SOCS2: variants seen among roughly 807,000 people sequenced by gnomAD.
SOCS2 encodes the protein suppressor of cytokine signaling 2.
SOCS2 carries 10 observed loss-of-function variants against 18.6 expected under a neutral mutation model. The ratio of observed to expected loss-of-function variants is 0.54; its 90% CI spans 0.33 to 0.91. The LOEUF (loss-of-function observed/expected upper bound fraction) is 0.91, where lower values mean the gene tolerates loss of function less well. Ranked by LOEUF, SOCS2 falls within the 40% of genes least tolerant of loss-of-function variation. The probability of loss-of-function intolerance (pLI) is 0.02; values close to 1 mark genes in which losing one functional copy is unlikely to be tolerated. For synonymous variants in SOCS2, 104 were observed against 104.0 expected (o/e 1.00, Z 0.00); for missense variants, 231 against 247.2 (o/e 0.93, Z 0.44).
the SOCS2 span, among the ~76,000 whole-genome samples, chr12:93,613,613 G>T: frequency 6.6e-6 from 1 of 152,180 alleles, no homozygotes; most frequent in Non-Finnish European, 1.5e-5. Context: ...ATGTGAACAA[G>T]CTTTAAGAAT....
the SOCS2 span, among the ~76,000 whole-genome samples, chr12:93,597,360 C>T: frequency 2.0e-5 from 3 of 152,022 alleles, no homozygotes; most frequent in African/African-American, 7.3e-5. Context: ...CACAGTCTTG[C>T]TCTGTTGCCC....
downstream of SOCS2, among the ~76,000 whole-genome samples, chr12:93,587,749 C>T (rs962950265): frequency 2.6e-5 from 4 of 151,806 alleles, no homozygotes; most frequent in African/African-American, 9.7e-5. Context: ...TAGAGCAGAC[C>T]ACACGAAGGT....
chr12:93,587,165 T>C (rs1954589608), downstream of SOCS2, among the ~76,000 whole-genome samples: 3 of 150,698 alleles, frequency 2.0e-5, no homozygotes, highest in Admixed American at 6.6e-5. Flanking sequence ...GAGACTGTCT[T>C]AAAGAAAAAA....
chr12:93,590,990 G>A, the SOCS2 span, among the ~76,000 whole-genome samples: 1 of 151,724 alleles, frequency 6.6e-6, no homozygotes, highest in Non-Finnish European at 1.5e-5. Context: ...TAACACTAAT[G>A]GTCTGGATAA....
upstream of SOCS2, chr12:93,571,791 G>A: frequency 5.0e-6 from 2 of 399,170 alleles, no homozygotes; most frequent in Admixed American, 2.9e-5. Flanking sequence ...GGGAAACAAG[G>A]GCAGACGCCC....
At chr12:93,610,316 G>A in the SOCS2 span, among the ~76,000 whole-genome samples, 4 of 152,064 alleles carry the variant, frequency 2.6e-5, no homozygotes, top group Non-Finnish European at 5.9e-5. Flanking sequence ...CCTCAGTCCC[G>A]GGCTAACCTG....
At chr12:93,587,403 T>C (rs1372448996), downstream of SOCS2, among the ~76,000 whole-genome samples, 1 of 151,836 alleles carries the variant, frequency 6.6e-6, no homozygotes, top group Non-Finnish European at 1.5e-5. Context: ...AGTTGGTGGC[T>C]GGGCGCAGTG....
the SOCS2 span, among the ~76,000 whole-genome samples, chr12:93,602,426 C>T: frequency 1.3e-5 from 2 of 152,116 alleles, no homozygotes; most frequent in East Asian, 1.9e-4. Context: ...TATACATACA[C>T]ATGAAAACCA....
the SOCS2 span, among the ~76,000 whole-genome samples, chr12:93,617,064 T>C: frequency 6.6e-6 from 1 of 152,184 alleles, no homozygotes; most frequent in Non-Finnish European, 1.5e-5. Flanking sequence ...TGCTGGGCCG[T>C]GTCCATTGAT....
downstream of SOCS2, among the ~76,000 whole-genome samples, chr12:93,581,440 A>C (rs139981789): frequency 1.6e-3 from 248 of 151,702 alleles, 2 homozygotes; most frequent in African/African-American, 5.7e-3. Context: ...ATGTGTGTCA[A>C]TCTTATATTG....
the SOCS2 span, among the ~76,000 whole-genome samples, chr12:93,625,259 T>C: frequency 9.1e-6 from 1 of 109,764 alleles, no homozygotes; most frequent in Non-Finnish European, 1.7e-5. Flanking sequence ...ACACAATCTC[T>C]CTCTGTCATT....
downstream of SOCS2, among the ~76,000 whole-genome samples, chr12:93,577,915 C>G (rs1003736387): frequency 1.4e-4 from 22 of 152,136 alleles, no homozygotes; most frequent in Non-Finnish European, 1.5e-4. Flanking sequence ...GGAAGAATAT[C>G]CAGTGTTTTC....
the SOCS2 span, among the ~76,000 whole-genome samples, chr12:93,604,827 A>ATT: frequency 6.6e-6 from 1 of 151,304 alleles, no homozygotes; most frequent in East Asian, 1.9e-4. Flanking sequence ...CCTGGCTGAT[A>ATT]TTTTTTTCTT....
chr12:93,597,295 G>A, the SOCS2 span, among the ~76,000 whole-genome samples: 2 of 152,088 alleles, frequency 1.3e-5, no homozygotes, highest in African/African-American at 4.8e-5. Context: ...TGCAGCTGCT[G>A]ATTTGTTACC....
chr12:93,619,000 T>A, the SOCS2 span, among the ~76,000 whole-genome samples: 1 of 152,144 alleles, frequency 6.6e-6, no homozygotes, highest in Non-Finnish European at 1.5e-5. Flanking sequence ...TAAAGGAGTT[T>A]AACTGAAGGG....
At position 93,574,936 on chromosome 12, in the gene SOCS2, A is replaced by G; in HGVS notation, c.354A>G (p.Gln118=). The G allele has an allele frequency of 6.2e-7, 1 of 1,614,222 alleles. No individual in the cohort carries two copies. The highest frequency in any genetic ancestry group is 8.5e-7 in the Non-Finnish European group (1 of 1,180,042). Residue 118 remains glutamine (Q), a synonymous_variant, in exon 2 of 2, where the codon CAA becomes CAG. Coordinates refer to ENST00000551556, the MANE Select transcript of SOCS2 (RefSeq NM_001270471.2). ...SIICVKSKLK[Q]FDSVVHLIDY... ...TATGTGTCAAATCCAAGCTTAAACA[A>G]TTTGACAGTGTGGTTCATCTGATCG...
At chr12:93,613,120 AG>A in the SOCS2 span, among the ~76,000 whole-genome samples, 2 of 152,254 alleles carry the variant, frequency 1.3e-5, no homozygotes, top group Non-Finnish European at 2.9e-5. Flanking sequence ...GGCAATGCCA[AG>A]GAACAGAGGA....
the SOCS2 span, among the ~76,000 whole-genome samples, chr12:93,610,002 T>C: frequency 6.6e-6 from 1 of 152,160 alleles, no homozygotes; most frequent in African/African-American, 2.4e-5. Context: ...CCTATTGACA[T>C]GGTAATGACA....
the SOCS2 span, among the ~76,000 whole-genome samples, chr12:93,606,321 C>G: frequency 6.6e-6 from 1 of 152,242 alleles, no homozygotes; most frequent in South Asian, 2.1e-4. Flanking sequence ...AGAAGTGCCA[C>G]AAGTGGATAG....
Sources: allele counts gnomAD v4.1 joint callset (sites outside exome capture counted in the v4.1 genomes callset), GRCh38; gene constraint gnomAD v4.1.1; transcripts MANE v1.5; gene names NCBI Gene and HGNC (gene_info 2026-07-23, HGNC 2026-07-21).